Variants in CTNNA3 observed in about 807,000 individuals in gnomAD.
CTNNA3 encodes the protein catenin alpha 3, also known as catenin alpha-3.
CTNNA3 carries 76 observed loss-of-function variants against 95.7 expected under a neutral mutation model. The observed-to-expected ratio is 0.79, with a 90% CI of 0.66 to 0.96. The LOEUF is 0.96. CTNNA3 is among the 40% of genes least tolerant of loss of function. The pLI, the probability that CTNNA3 is intolerant of heterozygous loss-of-function variation, is 0.00. For synonymous variants in CTNNA3, 431 were observed against 374.4 expected (o/e 1.15, Z -1.74); for missense variants, 1,191 against 1,089.8 (o/e 1.09, Z -1.31).
intron 5 of CTNNA3, among the ~76,000 whole-genome samples, chr10:67,353,297 G>A (rs1034193871): frequency 2.0e-5 from 3 of 151,850 alleles, no homozygotes; most frequent in African/African-American, 7.3e-5. Context: ...TCTACTGTGG[G>A]GCATGAACTA....
intron 7 of CTNNA3, among the ~76,000 whole-genome samples, chr10:66,925,510 G>A (rs1004989032): frequency 6.6e-6 from 1 of 152,080 alleles, no homozygotes; most frequent in Admixed American, 6.5e-5. Flanking sequence ...TGAGAAAACC[G>A]GAAAGGCTAT....
rs748165047 is a variant in CTNNA3, at chr10:66,766,366, T to C, written c.1179A>G (p.Thr393=). 13 of 1,613,782 alleles carry C rather than the reference T, an allele frequency of 8.1e-6. No individual in the cohort carries two copies. Among genetic ancestry groups the C allele is most frequent in the Non-Finnish European group, 1.1e-5 (13 of 1,179,762 alleles). ...DHVSDSFLDT[T]VPLLVLIEAA... is the part of the protein sequence containing the mutation. ...CTTCAATGAGAACCAAAAGAGGGAC[T>C]GTCGTATCCAGGAAAGAGTCTGACA... is the stretch of plus-strand genomic sequence containing the variant. The change falls in exon 9 of 18, where the codon ACA becomes ACG. Residue 393 remains threonine (T), a synonymous_variant. Coordinates refer to ENST00000433211, the MANE Select transcript of CTNNA3 (RefSeq NM_013266.4).
At chr10:67,251,569 C>A (rs1030245181) in intron 5 of CTNNA3, among the ~76,000 whole-genome samples, 1 of 152,032 alleles carries the variant, frequency 6.6e-6, no homozygotes, top group Non-Finnish European at 1.5e-5. Context: ...GGCAGCCTGT[C>A]CTAATAGTAA....
At chr10:67,290,075 G>T (rs939175327) in intron 5 of CTNNA3, among the ~76,000 whole-genome samples, 4 of 152,086 alleles carry the variant, frequency 2.6e-5, no homozygotes, top group African/African-American at 9.7e-5. Flanking sequence ...CAAAGTACTG[G>T]GATTACAGAT....
At chr10:66,260,102 G>A (rs1408837253) in intron 13 of CTNNA3, among the ~76,000 whole-genome samples, 4 of 152,074 alleles carry the variant, frequency 2.6e-5, no homozygotes, top group Non-Finnish European at 5.9e-5. Flanking sequence ...GTTGCCTGAA[G>A]TCCCTTTATC....
intron 7 of CTNNA3, among the ~76,000 whole-genome samples, chr10:66,966,983 T>C (rs1265259473): frequency 6.6e-6 from 1 of 152,052 alleles, no homozygotes; most frequent in Admixed American, 6.5e-5. Context: ...CTATCTTACA[T>C]TTGATATATG....
chr10:66,168,717 C>T (rs1355628892), intron 13 of CTNNA3, among the ~76,000 whole-genome samples: 2 of 152,122 alleles, frequency 1.3e-5, no homozygotes, highest in African/African-American at 2.4e-5. Flanking sequence ...GCAATAATAT[C>T]ATTTTGTTAT....
At chr10:66,028,612 G>GGGGGGGAGGGCA (rs2079388641) in intron 15 of CTNNA3, among the ~76,000 whole-genome samples, 1 of 148,072 alleles carries the variant, frequency 6.8e-6, no homozygotes, top group Non-Finnish European at 1.5e-5. Flanking sequence ...GGGGAAGGGG[G>GGGGGGGAGGGCA]GAGGGATAGC....
intron 7 of CTNNA3, among the ~76,000 whole-genome samples, chr10:67,091,083 A>G (rs1171932102): frequency 6.6e-6 from 1 of 152,064 alleles, no homozygotes; most frequent in Non-Finnish European, 1.5e-5. Context: ...TTTGACTCTA[A>G]GTAAAACTAC....
chr10:66,071,102 C>A (rs1488002178), intron 14 of CTNNA3, among the ~76,000 whole-genome samples: 3 of 152,028 alleles, frequency 2.0e-5, no homozygotes, highest in Non-Finnish European at 4.4e-5. Flanking sequence ...CAAAGGAAGA[C>A]TTAAGAGAAT....
In CTNNA3 at chr10:66,020,661, G is replaced by T. The variant is rs1255236034; in HGVS notation, c.2160-31864C>A. Among the ~76,000 whole-genome samples the T allele has an allele frequency of 5.0e-5, 7 of 140,430 alleles. No individual in the cohort carries two copies. In the Admixed American group the frequency reaches 5.4e-4, roughly 11 times the overall value. The allele number at this position is 140,430 out of a possible 152,430, so 92.1% of individuals were successfully genotyped here. Reference sequence around the variant, plus strand: ...GCTTGAAGCCTAAACACTTGCTGATGATCTGAATTTTTTTTTTTTTTTTTG... The same window carrying T: ...GCTTGAAGCCTAAACACTTGCTGATTATCTGAATTTTTTTTTTTTTTTTTG... On this transcript the variant is annotated intron_variant, in intron 15 of 17. Transcript: ENST00000433211.
At chr10:66,324,799 T>C (rs1214237481) in intron 12 of CTNNA3, among the ~76,000 whole-genome samples, 1 of 151,920 alleles carries the variant, frequency 6.6e-6, no homozygotes, top group East Asian at 1.9e-4. Context: ...TAGTTTATCA[T>C]CATGCTTAAA....
At chr10:66,447,584 C>T (rs569192946) in intron 11 of CTNNA3, among the ~76,000 whole-genome samples, 1 of 152,096 alleles carries the variant, frequency 6.6e-6, no homozygotes, top group Non-Finnish European at 1.5e-5. Context: ...AAAGCATTCC[C>T]TATTTAATAA....
intron 5 of CTNNA3, among the ~76,000 whole-genome samples, chr10:67,516,674 T>G (rs1458442251): frequency 6.6e-6 from 1 of 152,242 alleles, no homozygotes; most frequent in African/African-American, 2.4e-5. Context: ...AACACGTCTA[T>G]CATCACTCGT....
At chr10:66,937,738 C>T (rs1020051117) in intron 7 of CTNNA3, among the ~76,000 whole-genome samples, 1 of 152,102 alleles carries the variant, frequency 6.6e-6, no homozygotes, top group African/African-American at 2.4e-5. Flanking sequence ...GCCCATGCTT[C>T]CCAATCTCTG....
intron 7 of CTNNA3, among the ~76,000 whole-genome samples, chr10:67,112,766 C>T (rs1396038572): frequency 2.6e-5 from 4 of 151,856 alleles, no homozygotes. Context: ...CTGGACTCTG[C>T]CCTCAATCTG....
chr10:66,251,311 T>TA (rs11364669), intron 13 of CTNNA3, among the ~76,000 whole-genome samples: 18,863 of 151,326 alleles, frequency 0.12, 1,334 homozygotes, highest in East Asian at 0.25. Context: ...CCTTTGAAAT[T>TA]AAAAAAAAAA....
At chr10:67,431,257 A>C (rs531581495) in intron 5 of CTNNA3, among the ~76,000 whole-genome samples, 22 of 152,018 alleles carry the variant, frequency 1.4e-4, no homozygotes, top group Non-Finnish European at 3.1e-4. Flanking sequence ...GTGCAGCTTT[A>C]TTCCCTAGGA....
intron 7 of CTNNA3, among the ~76,000 whole-genome samples, chr10:66,827,598 G>A (rs1159450434): frequency 2.0e-5 from 3 of 151,996 alleles, no homozygotes; most frequent in Non-Finnish European, 4.4e-5. Flanking sequence ...TATATTATCT[G>A]GAATAACTCA....
Sources: allele counts gnomAD v4.1 joint callset (sites outside exome capture counted in the v4.1 genomes callset), GRCh38; gene constraint gnomAD v4.1.1; transcripts MANE v1.5; gene names NCBI Gene and HGNC (gene_info 2026-07-23, HGNC 2026-07-21).